Variants in VDAC1 observed in about 807,000 individuals in gnomAD.
VDAC1 encodes the protein voltage dependent anion channel 1.
VDAC1 carries 10 observed loss-of-function variants against 34.7 expected under a neutral mutation model. That is an observed-to-expected ratio of 0.29 (90% confidence interval 0.18 to 0.49). The LOEUF (loss-of-function observed/expected upper bound fraction) is 0.49, where lower values mean the gene tolerates loss of function less well. Among genes scored for constraint, VDAC1 ranks in the 20% least tolerant of loss-of-function variants. The pLI is 0.99. For synonymous variants in VDAC1, 130 were observed against 136.0 expected, an observed-to-expected ratio of 0.96 and a Z score of 0.30; for missense variants, 230 against 347.9, an observed-to-expected ratio of 0.66 and a Z score of 2.69.
At chr5:134,089,122 C>T in the VDAC1 span, among the ~76,000 whole-genome samples, 3 of 152,212 alleles carry the variant, frequency 2.0e-5, no homozygotes, top group African/African-American at 7.2e-5. Context: ...TAGGGCTTTG[C>T]CTGGACTTGC....
chr5:134,053,503 G>A, the VDAC1 span, among the ~76,000 whole-genome samples: 1 of 152,234 alleles, frequency 6.6e-6, no homozygotes, highest in African/African-American at 2.4e-5. Flanking sequence ...GGATCCTGCA[G>A]GAGGAAGCAC....
At chr5:134,055,977 G>A in the VDAC1 span, among the ~76,000 whole-genome samples, 12 of 151,370 alleles carry the variant, frequency 7.9e-5, no homozygotes, top group East Asian at 9.9e-4. Flanking sequence ...GGTGGCTCAC[G>A]CCTGTAATCC....
At chr5:134,002,689 G>T (rs1224870088) in intron 1 of VDAC1, among the ~76,000 whole-genome samples, 1 of 152,206 alleles carries the variant, frequency 6.6e-6, no homozygotes, top group Non-Finnish European at 1.5e-5. Flanking sequence ...CCAGGACCGG[G>T]CATGGTGGCT....
the VDAC1 span, among the ~76,000 whole-genome samples, chr5:134,049,594 G>A: frequency 1.3e-5 from 2 of 152,032 alleles, no homozygotes; most frequent in African/African-American, 2.4e-5. Flanking sequence ...TGTTTGTTTT[G>A]TTTTTTAATA....
chr5:134,003,245 G>A (rs1221985707), intron 1 of VDAC1, among the ~76,000 whole-genome samples: 2 of 152,212 alleles, frequency 1.3e-5, no homozygotes, highest in African/African-American at 4.8e-5. Flanking sequence ...CTTAGGAGCT[G>A]AGTTGGTCCA....
intron 1 of VDAC1, among the ~76,000 whole-genome samples, chr5:133,994,057 T>C (rs1257232423): frequency 6.6e-6 from 1 of 152,146 alleles, no homozygotes; most frequent in Non-Finnish European, 1.5e-5. Flanking sequence ...ATACCTAAAT[T>C]ATCAAAATTC....
At chr5:134,067,686 G>A in the VDAC1 span, among the ~76,000 whole-genome samples, 1 of 149,166 alleles carries the variant, frequency 6.7e-6, no homozygotes, top group African/African-American at 2.5e-5. Context: ...GGAGGAGAGG[G>A]GGAGGGAGAG....
the VDAC1 span, among the ~76,000 whole-genome samples, chr5:134,047,555 G>A: frequency 6.6e-6 from 1 of 152,268 alleles, no homozygotes; most frequent in East Asian, 1.9e-4. Flanking sequence ...ACTGGCAGCA[G>A]AGGCTGCAGG....
At chr5:134,064,919 C>T in the VDAC1 span, among the ~76,000 whole-genome samples, 1 of 151,956 alleles carries the variant, frequency 6.6e-6, no homozygotes, top group Admixed American at 6.6e-5. Context: ...GGGGTCTTGC[C>T]ATATTGCCCA....
chr5:134,079,520 C>T, the VDAC1 span, among the ~76,000 whole-genome samples: 2 of 152,164 alleles, frequency 1.3e-5, no homozygotes, highest in African/African-American at 4.8e-5. Flanking sequence ...CTGGGAGGTG[C>T]CTTCAGGGTG....
the VDAC1 span, among the ~76,000 whole-genome samples, chr5:134,089,449 C>T: frequency 6.6e-6 from 1 of 152,166 alleles, no homozygotes; most frequent in African/African-American, 2.4e-5. Context: ...GAGCCTATAA[C>T]CCATATGAAA....
rs200915111 is a variant in VDAC1 at position 133,998,072 on chromosome 5, CA to C, written c.-6-5055del. Among the ~76,000 whole-genome samples the C allele has an allele frequency of 7.3e-3, 724 of 99,662 alleles. 3 individuals carry two copies. Among genetic ancestry groups the C allele is most frequent in the East Asian group, 0.046 (201 of 4,324 alleles). The allele number at this position is 99,662 out of a possible 152,430, so 65.4% of individuals were successfully genotyped here. A position where few individuals can be genotyped will look rare whatever the true frequency, so the allele number is the denominator to read the frequency against. On this transcript the variant is annotated intron_variant, in intron 1 of 8. Coordinates refer to ENST00000265333, the MANE Select transcript of VDAC1 (RefSeq NM_003374.3). Reference sequence around the variant, plus strand: ...ACAAGAGTAAAACTCCGTCTCGAAACAAAAAAAAAAAAAAGAAAGAAAGCTA... The same window carrying C: ...ACAAGAGTAAAACTCCGTCTCGAAACAAAAAAAAAAAAAGAAAGAAAGCTA...
chr5:134,028,859 T>G, the VDAC1 span, among the ~76,000 whole-genome samples: 3 of 152,202 alleles, frequency 2.0e-5, no homozygotes, highest in Non-Finnish European at 4.4e-5. Flanking sequence ...CACATATTCT[T>G]TGACAATCCT....
the VDAC1 span, among the ~76,000 whole-genome samples, chr5:134,105,516 G>A: frequency 1.2e-4 from 18 of 152,240 alleles, no homozygotes; most frequent in Non-Finnish European, 8.8e-5. Context: ...AGGTGTTCTC[G>A]CTACATGAGT....
the VDAC1 span, among the ~76,000 whole-genome samples, chr5:134,114,366 C>G: frequency 1.3e-5 from 2 of 152,132 alleles, no homozygotes; most frequent in African/African-American, 4.8e-5. Context: ...AAGCCACGCC[C>G]AAGTCCCAAG....
chr5:134,105,000 C>T, the VDAC1 span, among the ~76,000 whole-genome samples: 107 of 152,336 alleles, frequency 7.0e-4, no homozygotes, highest in African/African-American at 2.4e-3. Context: ...GGCACTCTGA[C>T]GCCCCCGCCT....
the VDAC1 span, among the ~76,000 whole-genome samples, chr5:134,038,917 GATAGACACAAAATGGGCCC>G: frequency 6.6e-6 from 1 of 151,810 alleles, no homozygotes; most frequent in Non-Finnish European, 1.5e-5. Context: ...CTATCATTGA[GATAGACACAAAATGGGCCC>G]ATAGAGGGCC....
At chr5:134,103,539 G>A in the VDAC1 span, among the ~76,000 whole-genome samples, 2 of 152,164 alleles carry the variant, frequency 1.3e-5, no homozygotes, top group Non-Finnish European at 2.9e-5. Flanking sequence ...TTAGCTCTCC[G>A]CCAGCCTTCA....
At chr5:134,036,821 C>T in the VDAC1 span, among the ~76,000 whole-genome samples, 315 of 151,714 alleles carry the variant, frequency 2.1e-3, 5 homozygotes, top group Non-Finnish European at 4.7e-4. Context: ...GGCATGATGG[C>T]GAGCACCTGT....
Sources: allele counts gnomAD v4.1 joint callset (sites outside exome capture counted in the v4.1 genomes callset), GRCh38; gene constraint gnomAD v4.1.1; transcripts MANE v1.5; gene names NCBI Gene and HGNC (gene_info 2026-07-23, HGNC 2026-07-21).